Variants in ROCK2 observed in about 807,000 individuals in gnomAD.
ROCK2 encodes the protein Rho associated coiled-coil containing protein kinase 2.
ROCK2 carries 61 observed loss-of-function variants against 195.1 expected under a neutral mutation model. The ratio of observed to expected loss-of-function variants is 0.31; its 90% confidence interval spans 0.25 to 0.39. The LOEUF is 0.39. ROCK2 is among the 10% of genes least tolerant of loss of function. ROCK2 has a pLI of 1.00. For synonymous variants in ROCK2, 504 were observed against 545.5 expected, an observed-to-expected ratio of 0.92 and a Z score of 1.06; for missense variants, 1,109 against 1,637.4, an observed-to-expected ratio of 0.68 and a Z score of 5.57.
At chr2:11,321,834 G>C (rs1668409661) in intron 1 of ROCK2, among the ~76,000 whole-genome samples, 1 of 152,092 alleles carries the variant, frequency 6.6e-6, no homozygotes, top group South Asian at 2.1e-4. Context: ...TAGATGGATA[G>C]TTACTGACTG....
chr2:11,202,165 T>G lies in ROCK2; in HGVS notation c.2550-44A>C, dbSNP rs760484673. 2.2e-5 allele frequency: 33 copies of G among 1,499,070 alleles called. 1 individual carries two copies. In the Admixed American group the frequency reaches 3.2e-4, roughly 14 times the overall value. 92.9% of individuals were successfully genotyped at this position (1,499,070 alleles called of 1,614,324 possible). A position where few individuals can be genotyped will look rare whatever the true frequency, so the allele number is the denominator to read the frequency against. On this transcript the variant is annotated intron_variant, in intron 20 of 32. Transcript: ENST00000315872. The stretch of plus-strand genomic sequence containing the variant: ...AAAGGTTTAAATAACTTACACATAT[T>G]TTAAACGAGCAGCTCTCAAAGTATG...
rs370653500 is a variant in ROCK2, at chr2:11,305,360, A to G, written c.142-17624T>C. ...CACTACACTCCAGCCCGGACAACAG[A>G]GCGAGACTCCGTCTCAAAAATAAAG... On this transcript the variant is annotated intron_variant, in intron 1 of 32. Transcript: ENST00000315872. Among the ~76,000 whole-genome samples, 3 of 152,300 alleles carry G rather than the reference A, an allele frequency of 2.0e-5. No homozygotes were observed. In the East Asian group the frequency reaches 5.8e-4, roughly 29 times the overall value.
At chr2:11,319,904 C>G (rs899165877) in intron 1 of ROCK2, among the ~76,000 whole-genome samples, 1 of 152,086 alleles carries the variant, frequency 6.6e-6, no homozygotes, top group Non-Finnish European at 1.5e-5. Context: ...TGGACTGATT[C>G]AGCTGCAAGT....
rs1234800379 is a variant in ROCK2 at position 11,285,447 on chromosome 2, T to C, written c.324+1092A>G. Among the ~76,000 whole-genome samples, 3 of 152,028 alleles carry C rather than the reference T, an allele frequency of 2.0e-5. No individual in the cohort carries two copies. In the East Asian group the frequency reaches 5.8e-4, roughly 29 times the overall value. On this transcript the variant is annotated intron_variant, in intron 3 of 32. Coordinates refer to ENST00000315872, the MANE Select transcript of ROCK2 (RefSeq NM_004850.5). ...GCCATTTCATCATATTATCCTCAAGTGTGTCAGACTTCTTCAGAAGAATAA... is the reference window on the plus strand; with the variant it reads ...GCCATTTCATCATATTATCCTCAAGCGTGTCAGACTTCTTCAGAAGAATAA...
chr2:11,282,628 A>G (rs887914752), intron 3 of ROCK2, among the ~76,000 whole-genome samples: 1 of 151,164 alleles, frequency 6.6e-6, no homozygotes, highest in African/African-American at 2.4e-5. Context: ...AAAAGAATCA[A>G]GACCAGACCT....
At chr2:11,207,685 G>C (rs758999497) in intron 20 of ROCK2, 41 bp downstream of exon 20, 1 of 1,456,972 alleles carries the variant, frequency 6.9e-7, no homozygotes, top group Non-Finnish European at 9.3e-7. Context: ...CTTATACATG[G>C]ATAATTATGC....
rs778809554 is a variant in ROCK2 at position 11,183,277 on chromosome 2, A to G, written c.*160T>C. 1.9e-6 allele frequency: 1 copy of G among 533,720 alleles called. No individual in the cohort carries two copies. The highest frequency in any genetic ancestry group is 3.3e-6 in the Non-Finnish European group (1 of 301,782). 33.1% of individuals were successfully genotyped at this position (533,720 alleles called of 1,614,324 possible). A position where few individuals can be genotyped will look rare whatever the true frequency, so the allele number is the denominator to read the frequency against. ...TCAAAGGAGCCCAGATTTGTAATTT[A>G]TATTACAGGGAAAAGGGGAACACAT... On this transcript the variant is annotated 3_prime_UTR_variant, in exon 33 of 33. Transcript: ENST00000315872.
At chr2:11,307,558 C>T (rs1025836222) in intron 1 of ROCK2, among the ~76,000 whole-genome samples, 21 of 152,000 alleles carry the variant, frequency 1.4e-4, no homozygotes, top group Non-Finnish European at 2.4e-4. Context: ...GTGATCCGCC[C>T]GCCTCAGCCT....
intron 1 of ROCK2, among the ~76,000 whole-genome samples, chr2:11,333,538 G>A (rs1244242139): frequency 1.3e-5 from 2 of 152,012 alleles, no homozygotes; most frequent in Admixed American, 6.6e-5. Flanking sequence ...GAAAAAAAAA[G>A]AAATACTACA....
intron 1 of ROCK2, among the ~76,000 whole-genome samples, chr2:11,306,428 C>T (rs1015613965): frequency 2.6e-5 from 4 of 152,166 alleles, no homozygotes; most frequent in Admixed American, 2.0e-4. Flanking sequence ...CTCCTTACCA[C>T]TTATCACTAT....
At chr2:11,268,429 GCTTCTTAAGGTCAGCC>G (rs1300325552) in intron 3 of ROCK2, among the ~76,000 whole-genome samples, 1 of 151,904 alleles carries the variant, frequency 6.6e-6, no homozygotes, top group East Asian at 1.9e-4. Context: ...CACAGCATTC[GCTTCTTAAGGTCAGCC>G]CTCCGGATGT....
chr2:11,271,847 G>A (rs1030717371), intron 3 of ROCK2, among the ~76,000 whole-genome samples: 3 of 151,990 alleles, frequency 2.0e-5, no homozygotes, highest in Non-Finnish European at 4.4e-5. Context: ...CTAACACGGT[G>A]AAACCCCGTC....
intron 1 of ROCK2, among the ~76,000 whole-genome samples, chr2:11,330,845 GGAGGGGGAGGAA>G (rs1572417475): frequency 1.5e-4 from 6 of 40,910 alleles, no homozygotes; most frequent in African/African-American, 2.6e-4. Flanking sequence ...AGAGGGAGGA[GGAGGGGGAGGAA>G]GAGGGAGGAG....
Position 11,211,860 on chromosome 2 carries a change from C to T in ROCK2, c.2044-20G>A, listed in dbSNP as rs1386341642. ...TTTTTCCTATTAAATATTTAAAATGCAGCTATCAACAAAAAAGAGACTAGC... is the reference window on the plus strand; with the variant it reads ...TTTTTCCTATTAAATATTTAAAATGTAGCTATCAACAAAAAAGAGACTAGC... On this transcript the variant is annotated intron_variant, in intron 17 of 32. Transcript: ENST00000315872. The T allele has an allele frequency of 1.3e-6, 2 of 1,532,432 alleles. No homozygotes were observed. Among genetic ancestry groups the T allele is most frequent in the African/African-American group, 1.4e-5 (1 of 71,106 alleles). The allele number at this position is 1,532,432 out of a possible 1,614,324, so 94.9% of individuals were successfully genotyped here.
chr2:11,305,834 C>T (rs987392554), intron 1 of ROCK2, among the ~76,000 whole-genome samples: 3 of 152,132 alleles, frequency 2.0e-5, no homozygotes, highest in African/African-American at 2.4e-5. Flanking sequence ...CCATTCTGTA[C>T]TATTTTTGCA....
intron 6 of ROCK2, among the ~76,000 whole-genome samples, chr2:11,224,993 G>A (rs183372149): frequency 2.0e-5 from 3 of 152,238 alleles, no homozygotes; most frequent in Non-Finnish European, 1.5e-5. Flanking sequence ...TCACCACACT[G>A]GACAGCACAG....
chr2:11,216,180 G>C lies in ROCK2; in HGVS notation c.1439C>G (p.Thr480Arg). 1 of 1,612,554 alleles carries C rather than the reference G, an allele frequency of 6.2e-7. No homozygotes were observed. Among genetic ancestry groups the C allele is most frequent in the Non-Finnish European group, 8.5e-7 (1 of 1,178,758 alleles). ...CKSVNTRLEKTAKELEEEITL... is the reference protein window; with the variant it reads ...CKSVNTRLEKRAKELEEEITL... ...TACCTCCTCTTCTAGCTCCTTTGCTGTTTTTTCTAGGCGAGTATTAACAGA... is the reference window on the plus strand; with the variant it reads ...TACCTCCTCTTCTAGCTCCTTTGCTCTTTTTTCTAGGCGAGTATTAACAGA... The change falls in exon 13 of 33, where the codon ACA becomes AGA. Residue 480 changes from threonine to arginine, a missense_variant. This residue lies in a region of ROCK2 where 542 missense variants were observed against 672.0 expected (regional missense o/e 0.81). Coordinates refer to ENST00000315872, the MANE Select transcript of ROCK2 (RefSeq NM_004850.5).
intron 5 of ROCK2, among the ~76,000 whole-genome samples, chr2:11,233,142 G>C (rs965128847): frequency 6.6e-6 from 1 of 152,036 alleles, no homozygotes; most frequent in Non-Finnish European, 1.5e-5. Context: ...TGAGCCCAGG[G>C]GTTTCGGGCT....
At chr2:11,307,548 G>A (rs1246580552) in intron 1 of ROCK2, among the ~76,000 whole-genome samples, 3 of 152,078 alleles carry the variant, frequency 2.0e-5, no homozygotes, top group African/African-American at 4.8e-5. Flanking sequence ...TCTTGACCTC[G>A]TGATCCGCCC....
Sources: allele counts gnomAD v4.1 joint callset (sites outside exome capture counted in the v4.1 genomes callset), GRCh38; gene constraint gnomAD v4.1.1; regional missense constraint gnomAD v4.1.1; transcripts MANE v1.5; gene names NCBI Gene and HGNC (gene_info 2026-07-23, HGNC 2026-07-21).